Variants in FBXO4 observed in about 807,000 individuals in gnomAD.
FBXO4 encodes F-box only protein 4.
A neutral mutation model predicts 43.7 loss-of-function variants in FBXO4; 36 were observed. The ratio of observed to expected loss-of-function variants is 0.82; its 90% CI spans 0.63 to 1.09. FBXO4 has a LOEUF of 1.09. FBXO4 is among the 50% of genes least tolerant of loss of function. FBXO4 has a pLI of 0.00. For missense variants in FBXO4, 435 were observed against 474.1 expected, an observed-to-expected ratio of 0.92 and a Z score of 0.77; for synonymous variants, 180 against 165.6, an observed-to-expected ratio of 1.09 and a Z score of -0.67.
chr5:42,030,304 A>G, the FBXO4 span, among the ~76,000 whole-genome samples: 2 of 152,194 alleles, frequency 1.3e-5, no homozygotes, highest in Non-Finnish European at 2.9e-5. Flanking sequence ...ATAATGCTGC[A>G]TGTCTACAAC....
the FBXO4 span, among the ~76,000 whole-genome samples, chr5:42,007,308 A>G: frequency 2.5e-4 from 38 of 152,132 alleles, no homozygotes; most frequent in South Asian, 2.9e-3. Context: ...CATTTTTATC[A>G]TATTTTTACT....
the FBXO4 span, among the ~76,000 whole-genome samples, chr5:41,979,816 A>G: frequency 1.3e-5 from 2 of 152,210 alleles, no homozygotes. Context: ...TCCTTCTGCT[A>G]AAGTGTATCC....
At chr5:42,026,714 A>G in the FBXO4 span, among the ~76,000 whole-genome samples, 137 of 151,856 alleles carry the variant, frequency 9.0e-4, no homozygotes, top group African/African-American at 3.1e-3. Flanking sequence ...ATATGGCTTC[A>G]ATATGATGAG....
the FBXO4 span, among the ~76,000 whole-genome samples, chr5:42,015,117 T>C: frequency 1.3e-5 from 2 of 152,164 alleles, no homozygotes; most frequent in African/African-American, 2.4e-5. Context: ...TTGCAGAGAA[T>C]TTAGAAATGA....
At chr5:42,012,398 T>C in the FBXO4 span, among the ~76,000 whole-genome samples, 2 of 152,108 alleles carry the variant, frequency 1.3e-5, no homozygotes, top group Non-Finnish European at 2.9e-5. Flanking sequence ...CATTGGGTGA[T>C]TGGGTGCCCA....
chr5:42,018,077 ATGAT>A, the FBXO4 span, among the ~76,000 whole-genome samples: 1 of 151,252 alleles, frequency 6.6e-6, no homozygotes, highest in African/African-American at 2.4e-5. Context: ...TATCTCTGAA[ATGAT>A]TGATTAAAAT....
the FBXO4 span, among the ~76,000 whole-genome samples, chr5:41,986,983 A>G: frequency 6.6e-6 from 1 of 152,170 alleles, no homozygotes; most frequent in Non-Finnish European, 1.5e-5. Context: ...CCTCTAGTTT[A>G]AATCCATTTA....
chr5:42,022,457 A>C, the FBXO4 span, among the ~76,000 whole-genome samples: 3 of 152,112 alleles, frequency 2.0e-5, no homozygotes, highest in Admixed American at 6.6e-5. Context: ...TAGCCAGAAA[A>C]TATTCAATTT....
At chr5:42,037,996 G>A in the FBXO4 span, among the ~76,000 whole-genome samples, 1 of 152,056 alleles carries the variant, frequency 6.6e-6, no homozygotes, top group African/African-American at 2.4e-5. Context: ...CAAAGCAGTT[G>A]GTCCTATGAC....
the FBXO4 span, among the ~76,000 whole-genome samples, chr5:41,994,321 T>C: frequency 0.15 from 22,683 of 152,184 alleles, 2,845 homozygotes; most frequent in African/African-American, 0.34. Flanking sequence ...TATACATGCA[T>C]AAACATGTTT....
chr5:41,925,838 C>T (rs1751475817), intron 1 of FBXO4, among the ~76,000 whole-genome samples: 1 of 152,184 alleles, frequency 6.6e-6, no homozygotes, highest in South Asian at 2.1e-4. Flanking sequence ...GAGACAGTTC[C>T]CAACTTGCTG....
At chr5:41,927,347 C>G (rs1055051944) in intron 2 of FBXO4, 99 bp downstream of exon 2, 1 of 897,238 alleles carries the variant, frequency 1.1e-6, no homozygotes, top group Non-Finnish European at 1.7e-6. Flanking sequence ...TGATTTGTTG[C>G]GTGGATTTGG....
the FBXO4 span, among the ~76,000 whole-genome samples, chr5:41,954,453 C>T: frequency 6.6e-6 from 1 of 152,106 alleles, no homozygotes; most frequent in Admixed American, 6.6e-5. Flanking sequence ...AGTTGCTTTG[C>T]CATCAGACCT....
downstream of FBXO4, among the ~76,000 whole-genome samples, chr5:41,946,719 A>G (rs529537385): frequency 5.9e-5 from 9 of 152,226 alleles, no homozygotes; most frequent in African/African-American, 2.2e-4. Flanking sequence ...AAAAACAAGA[A>G]GTCAAGCCTT....
At chr5:42,001,672 A>G in the FBXO4 span, among the ~76,000 whole-genome samples, 2 of 152,020 alleles carry the variant, frequency 1.3e-5, no homozygotes, top group African/African-American at 4.8e-5. Flanking sequence ...TTGTTACCTT[A>G]CTTTTTTATT....
At chr5:41,932,328 A>G (rs115690653) in intron 3 of FBXO4, among the ~76,000 whole-genome samples, 1,693 of 152,298 alleles carry the variant, frequency 0.011, 30 homozygotes, top group Middle Eastern at 0.034. Flanking sequence ...AACAAAGATC[A>G]GAAACATGGT....
At chr5:42,017,162 T>C in the FBXO4 span, among the ~76,000 whole-genome samples, 1 of 152,024 alleles carries the variant, frequency 6.6e-6, no homozygotes, top group Non-Finnish European at 1.5e-5. Context: ...CTTGTCATCA[T>C]ACTAAGAATA....
chr5:41,929,603 T>C (rs1751613904), intron 2 of FBXO4, 94 bp from the exon 3 acceptor site: 1 of 851,618 alleles, frequency 1.2e-6, no homozygotes, highest in Non-Finnish European at 1.8e-6. Context: ...ATTGTATCCA[T>C]TGTGTCTAGC....
chr5:41,993,312 T>G, the FBXO4 span, among the ~76,000 whole-genome samples: 10 of 152,136 alleles, frequency 6.6e-5, no homozygotes, highest in African/African-American at 2.4e-4. Flanking sequence ...CCAGATTTAT[T>G]GATATATATT....
Sources: allele counts gnomAD v4.1 joint callset (sites outside exome capture counted in the v4.1 genomes callset), GRCh38; gene constraint gnomAD v4.1.1; transcripts MANE v1.5; gene names NCBI Gene and HGNC (gene_info 2026-07-23, HGNC 2026-07-21).